The following PCDHA5 variants were observed in gnomAD, a reference collection of about 807,000 sequenced individuals.
PCDHA5 encodes protocadherin alpha-5.
Under a neutral mutation model 61.6 loss-of-function variants are expected in PCDHA5, and 43 were observed. That is an observed-to-expected ratio of 0.70 (90% CI 0.55 to 0.90). The LOEUF (loss-of-function observed/expected upper bound fraction) is 0.90, where lower values mean the gene tolerates loss of function less well. Among genes scored for constraint, PCDHA5 ranks in the 40% least tolerant of loss-of-function variants. PCDHA5 has a pLI of 0.00. For synonymous variants in PCDHA5, 627 were observed against 543.9 expected, an observed-to-expected ratio of 1.15 and a Z score of -2.13; for missense variants, 1,298 against 1,222.7, an observed-to-expected ratio of 1.06 and a Z score of -0.92.
chr5:140,862,553 C>T (rs561370771), intron 1 of PCDHA5: 12 of 463,418 alleles, frequency 2.6e-5, no homozygotes, highest in Non-Finnish European at 4.4e-5. Context: ...AGTGGCCGAA[C>T]AGTGAACCAC....
intron 1 of PCDHA5, among the ~76,000 whole-genome samples, chr5:140,977,103 G>A (rs1159604551): frequency 6.6e-6 from 1 of 152,230 alleles, no homozygotes; most frequent in Non-Finnish European, 1.5e-5. Context: ...TTGGGGAAGT[G>A]AGATTGTATA....
At chr5:140,928,760 T>G (rs782568767) in intron 1 of PCDHA5, 6 of 1,614,060 alleles carry the variant, frequency 3.7e-6, no homozygotes, top group Non-Finnish European at 5.1e-6. Flanking sequence ...ACTGCTCGCT[T>G]AGTTCTTCCC....
intron 1 of PCDHA5, chr5:140,829,755 T>C (rs2150173994): frequency 6.2e-7 from 1 of 1,613,728 alleles, no homozygotes; most frequent in East Asian, 2.2e-5. Flanking sequence ...CAGGTGTTCG[T>C]GCTGGACGAG....
At position 140,928,086 on chromosome 5, in the gene PCDHA5, G is replaced by A. The variant is rs17844363; in HGVS notation, c.2353-50863G>A. The A allele has an allele frequency of 1.9e-4, 304 of 1,614,206 alleles. No homozygotes were observed. The East Asian group carries it at 3.7e-3, about 20-fold the overall frequency. On this transcript the variant is annotated intron_variant, in intron 1 of 3. Transcript: ENST00000529859. ...CCTTTGACAACTACTACAGCCTGCT[G>A]ATTGATGGGCCCCTGGACCGGGAGC...
At chr5:140,855,766 C>T in intron 1 of PCDHA5, 2 of 379,872 alleles carry the variant, frequency 5.3e-6, no homozygotes, top group South Asian at 9.3e-5. Flanking sequence ...AGTCCATAGA[C>T]ATAAAAATAC....
chr5:140,939,733 C>T (rs1433987863), intron 1 of PCDHA5, among the ~76,000 whole-genome samples: 2 of 152,162 alleles, frequency 1.3e-5, no homozygotes, highest in Non-Finnish European at 2.9e-5. Flanking sequence ...TTGTGTGTAG[C>T]TGTGTATCAT....
intron 1 of PCDHA5, among the ~76,000 whole-genome samples, chr5:140,827,038 T>C (rs1400929432): frequency 2.6e-5 from 4 of 152,214 alleles, no homozygotes; most frequent in African/African-American, 9.6e-5. Context: ...AAAATTTGAA[T>C]TTGGGGATTA....
chr5:140,828,576 T>C, intron 1 of PCDHA5: 3 of 1,614,230 alleles, frequency 1.9e-6, no homozygotes, highest in Admixed American at 1.7e-5. Context: ...GATGCAGATG[T>C]TGGCTCAAAT....
intron 1 of PCDHA5, chr5:140,876,545 C>T (rs1281346113): frequency 6.2e-7 from 1 of 1,614,082 alleles, no homozygotes; most frequent in Non-Finnish European, 8.5e-7. Flanking sequence ...CTGTCGCTCC[C>T]TGTGCAAGAG....
chr5:140,999,654 C>A (rs180994815), intron 3 of PCDHA5, among the ~76,000 whole-genome samples: 1 of 152,122 alleles, frequency 6.6e-6, no homozygotes, highest in South Asian at 2.1e-4. Flanking sequence ...AGCCTGAGCC[C>A]TGCTGGGTTG....
At chr5:140,883,225 C>T in intron 1 of PCDHA5, 1 of 1,613,914 alleles carries the variant, frequency 6.2e-7, no homozygotes, top group East Asian at 2.2e-5. Context: ...ATGAAATATC[C>T]GTGGAGGCAG....
At chr5:140,871,707 G>A (rs2053270634) in intron 1 of PCDHA5, 9 of 843,502 alleles carry the variant, frequency 1.1e-5, no homozygotes, top group Non-Finnish European at 1.6e-5. Flanking sequence ...ACCAATAAAT[G>A]TCCTATTTCT....
intron 1 of PCDHA5, among the ~76,000 whole-genome samples, chr5:140,978,584 C>G (rs2096810786): frequency 6.6e-6 from 1 of 152,186 alleles, no homozygotes; most frequent in African/African-American, 2.4e-5. Flanking sequence ...TGGGAATGTT[C>G]CCTTAATGGG....
chr5:140,830,545 C>T (rs2150187655), intron 1 of PCDHA5: 5 of 1,153,740 alleles, frequency 4.3e-6, no homozygotes, highest in Non-Finnish European at 5.9e-6. Flanking sequence ...TTGTTTTCCT[C>T]ATATTTGTCT....
chr5:140,842,848 G>A lies in PCDHA5; in HGVS notation c.2352+18721G>A, dbSNP rs2150346229. The stretch of plus-strand genomic sequence containing the variant: ...AGCGCTCGCTGTCGAGCTACATTTC[G>A]GTGCACACGGAGAGCGGCAAGGTGT... On this transcript the variant is annotated intron_variant, in intron 1 of 3. Coordinates refer to ENST00000529859, the MANE Select transcript of PCDHA5 (RefSeq NM_018908.3). 2.4e-5 allele frequency: 38 copies of A among 1,593,806 alleles called. 5 individuals are homozygous for A. The highest frequency in any genetic ancestry group is 1.7e-4 in the South Asian group (15 of 90,426).
intron 1 of PCDHA5, chr5:140,842,821 C>A (rs782174276): frequency 1.9e-6 from 3 of 1,593,534 alleles, no homozygotes; most frequent in East Asian, 2.2e-5. Context: ...GGCGGGTGGG[C>A]GAGCGCTCGC....
Position 140,822,785 on chromosome 5 carries a change from T to C in PCDHA5, c.1010T>C (p.Val337Ala). Reference sequence around the variant, plus strand: ...TTATCAGGACACTGTAAAGTAGTAGTGAAACTCCTGGATGTGAATGATAAT... The same window carrying C: ...TTATCAGGACACTGTAAAGTAGTAGCGAAACTCCTGGATGTGAATGATAAT... ...FPLSGHCKVV[V>A]KLLDVNDNTP... is the part of the protein sequence containing the mutation. Residue 337 changes from valine (V) to alanine (A), a missense_variant, in exon 1 of 4, where the codon GTG (valine) becomes GCG (alanine). Transcript: ENST00000529859. The C allele has an allele frequency of 6.2e-7, 1 of 1,614,074 alleles. No individual in the cohort carries two copies. Among genetic ancestry groups the C allele is most frequent in the Non-Finnish European group, 8.5e-7 (1 of 1,179,970 alleles).
rs2150202220 is a variant in PCDHA5, at chr5:140,844,684, A to G, written c.2352+20557A>G. 1.3e-5 allele frequency among the ~76,000 whole-genome samples: 2 copies of G among 149,834 alleles called. 1 individual carries two copies. Among genetic ancestry groups the G allele is most frequent in the East Asian group, 3.9e-4 (2 of 5,172 alleles). On this transcript the variant is annotated intron_variant, in intron 1 of 3. Coordinates refer to ENST00000529859, the MANE Select transcript of PCDHA5 (RefSeq NM_018908.3). ...AACATATAATTTATAAATCCTTATT[A>G]TACAGAATATTTGGGATTATCATGG...
At chr5:140,871,497 G>T in intron 1 of PCDHA5, 1 of 1,586,946 alleles carries the variant, frequency 6.3e-7, no homozygotes, top group East Asian at 2.3e-5. Context: ...CCGGACAGGT[G>T]AGTTTTCTAC....
Sources: gnomAD v4.1 joint callset for allele counts (sites outside exome capture counted in the v4.1 genomes callset) on GRCh38, gnomAD v4.1.1 for gene constraint, MANE v1.5 for transcripts, NCBI Gene and HGNC (gene_info 2026-07-23, HGNC 2026-07-21) for gene names.